Variants in SCLT1 observed in about 807,000 individuals in gnomAD.
SCLT1 encodes the protein sodium channel and clathrin linker 1.
SCLT1 carries 78 observed loss-of-function variants against 112.8 expected under a neutral mutation model. That is an observed-to-expected ratio of 0.69 (90% CI 0.58 to 0.83). The LOEUF (loss-of-function observed/expected upper bound fraction) is 0.83. Ranked by LOEUF, SCLT1 falls within the 40% of genes least tolerant of loss-of-function variation. SCLT1 has a pLI of 0.00. For synonymous variants in SCLT1, 257 were observed against 254.7 expected (o/e 1.01, Z -0.09); for missense variants, 747 against 770.4 (o/e 0.97, Z 0.36).
chr4:128,898,790 G>A (rs1579315807), intron 18 of SCLT1, among the ~76,000 whole-genome samples: 1 of 152,058 alleles, frequency 6.6e-6, no homozygotes, highest in African/African-American at 2.4e-5. Flanking sequence ...GACTAATGAA[G>A]AAGAAAACAG....
Position 128,886,001 on chromosome 4 carries a change from A to G in SCLT1, c.2005-1462T>C, listed in dbSNP as rs143434702. 1.5e-3 allele frequency among the ~76,000 whole-genome samples: 233 copies of G among 152,116 alleles called. 2 individuals carry two copies. Among genetic ancestry groups the G allele is most frequent in the East Asian group, 0.013 (70 of 5,188 alleles). On this transcript the variant is annotated intron_variant, in intron 20 of 20. Transcript: ENST00000281142. ...GGTATCCTTTATATGTGTTTAGGGC[A>G]TTAGCCTTTTGTCATATATGGTACA...
At chr4:129,062,354 C>T (rs1474431587) in intron 2 of SCLT1, among the ~76,000 whole-genome samples, 1 of 152,056 alleles carries the variant, frequency 6.6e-6, no homozygotes, top group African/African-American at 2.4e-5. Context: ...GGAACAATTG[C>T]TAGAGTCTTC....
chr4:129,077,730 CACA>C (rs1490946870), intron 2 of SCLT1, among the ~76,000 whole-genome samples: 3 of 152,102 alleles, frequency 2.0e-5, no homozygotes, highest in African/African-American at 7.2e-5. Flanking sequence ...TCCTGGATCC[CACA>C]TACCCATTGA....
Position 128,884,331 on chromosome 4 carries a change from C to G in SCLT1, c.*146G>C, listed in dbSNP as rs556568765. The G allele has an allele frequency of 1.5e-5, 8 of 546,152 alleles. No homozygotes were observed. The South Asian group carries it at 2.3e-4, about 16-fold the overall frequency. 33.8% of individuals were successfully genotyped at this position (546,152 alleles called of 1,614,324 possible). The stretch of plus-strand genomic sequence containing the variant: ...AGGAAGTGGTCACTGCTCTGTTTTC[C>G]AATAACCCTCAAAACAGAACAACAA... On this transcript the variant is annotated 3_prime_UTR_variant, in exon 21 of 21. Transcript: ENST00000281142.
intron 17 of SCLT1, among the ~76,000 whole-genome samples, chr4:128,941,881 C>T (rs1486686924): frequency 6.6e-6 from 1 of 152,066 alleles, no homozygotes; most frequent in Non-Finnish European, 1.5e-5. Flanking sequence ...TCTGACTGAT[C>T]TAGCACCATT....
At chr4:129,083,853 A>C (rs1057034005) in intron 1 of SCLT1, among the ~76,000 whole-genome samples, 6 of 152,226 alleles carry the variant, frequency 3.9e-5, no homozygotes, top group Non-Finnish European at 8.8e-5. Flanking sequence ...AAACAGCACC[A>C]AATTAAATCC....
Position 129,003,891 on chromosome 4 carries a change from G to A in SCLT1, c.291-15C>T. 1 of 1,606,572 alleles carries A rather than the reference G, an allele frequency of 6.2e-7. No individual in the cohort carries two copies. Among genetic ancestry groups the A allele is most frequent in the Non-Finnish European group, 8.5e-7 (1 of 1,177,016 alleles). ...CACTGTGCAACCTTTGAAACAAATA[G>A]TTAACATGATAGCCTCAAGTCATTT... On this transcript the variant is annotated splice_polypyrimidine_tract_variant and intron_variant, in intron 5 of 20. Transcript: ENST00000281142.
chr4:129,014,614 T>C (rs536455013), intron 5 of SCLT1, among the ~76,000 whole-genome samples: 2 of 152,346 alleles, frequency 1.3e-5, no homozygotes, highest in East Asian at 3.9e-4. Flanking sequence ...CTGTATGCTC[T>C]AACCCTGGGG....
intron 9 of SCLT1, among the ~76,000 whole-genome samples, chr4:128,972,732 A>G (rs934987877): frequency 1.3e-5 from 2 of 152,186 alleles, no homozygotes; most frequent in African/African-American, 4.8e-5. Flanking sequence ...TAGCTTCATT[A>G]TCACTCATAA....
chr4:128,875,500 G>A (rs1732491668), intron 4 of SCLT1, among the ~76,000 whole-genome samples: 1 of 152,264 alleles, frequency 6.6e-6, no homozygotes, highest in African/African-American at 2.4e-5. Context: ...TTGAAACAAC[G>A]TAGACTTCAG....
At chr4:129,015,113 C>T (rs1027747574) in intron 5 of SCLT1, among the ~76,000 whole-genome samples, 1 of 151,996 alleles carries the variant, frequency 6.6e-6, no homozygotes, top group African/African-American at 2.4e-5. Context: ...GGCTCTGTTC[C>T]CACCAAGGCT....
chr4:129,023,044 C>T (rs1470027615), intron 5 of SCLT1, among the ~76,000 whole-genome samples: 2 of 152,242 alleles, frequency 1.3e-5, no homozygotes, highest in African/African-American at 4.8e-5. Flanking sequence ...CCCAGCCAAA[C>T]TAAGCTTCAC....
At chr4:128,876,058 A>C (rs1732512585) in intron 4 of SCLT1, among the ~76,000 whole-genome samples, 1 of 152,180 alleles carries the variant, frequency 6.6e-6, no homozygotes, top group Non-Finnish European at 1.5e-5. Context: ...CATCCACTAC[A>C]TGCAGAAATT....
At chr4:128,893,776 C>T (rs6815768) in intron 18 of SCLT1, among the ~76,000 whole-genome samples, 37,965 of 152,128 alleles carry the variant, frequency 0.25, 5,452 homozygotes, top group East Asian at 0.33. Flanking sequence ...CTCCTGACCT[C>T]GTGAGCCGCC....
chr4:129,057,302 C>T (rs886183571), intron 2 of SCLT1, among the ~76,000 whole-genome samples: 5 of 151,870 alleles, frequency 3.3e-5, no homozygotes, highest in Non-Finnish European at 5.9e-5. Context: ...TTTTATTGTG[C>T]CTTTGTTAGG....
intron 9 of SCLT1, among the ~76,000 whole-genome samples, chr4:128,975,039 A>ATTTTTTTTTTTTTTTTTTTTTT (rs1579564140): frequency 1.8e-4 from 11 of 60,132 alleles, no homozygotes; most frequent in Admixed American, 3.7e-4. Flanking sequence ...TTGAATGACA[A>ATTTTTTTTTTTTTTTTTTTTTT]CTTTTTTTTT....
At chr4:128,876,335 T>C (rs1184159232) in intron 4 of SCLT1, among the ~76,000 whole-genome samples, 2 of 152,198 alleles carry the variant, frequency 1.3e-5, no homozygotes, top group Non-Finnish European at 2.9e-5. Context: ...CAACTGATTC[T>C]TCCTACAAGG....
intron 18 of SCLT1, among the ~76,000 whole-genome samples, chr4:128,894,722 C>T (rs756471517): frequency 3.3e-5 from 5 of 151,944 alleles, no homozygotes; most frequent in South Asian, 2.1e-4. Flanking sequence ...TGTGTCTCCC[C>T]GGCTTGAGTG....
At chr4:129,084,679 AG>A (rs933369454) in intron 1 of SCLT1, among the ~76,000 whole-genome samples, 2 of 152,192 alleles carry the variant, frequency 1.3e-5, no homozygotes, top group African/African-American at 4.8e-5. Flanking sequence ...ACAGACACAT[AG>A]GCCAATGGAA....
Sources: gnomAD v4.1 joint callset for allele counts (sites outside exome capture counted in the v4.1 genomes callset) on GRCh38, gnomAD v4.1.1 for gene constraint, MANE v1.5 for transcripts, NCBI Gene and HGNC (gene_info 2026-07-23, HGNC 2026-07-21) for gene names.